The following EMCN variants were observed in gnomAD, a reference collection of about 807,000 sequenced individuals.
EMCN encodes the protein MUC-14.
EMCN carries 37 observed loss-of-function variants against 38.4 expected under a neutral mutation model. The observed-to-expected ratio is 0.96, with a 90% CI of 0.74 to 1.27. The LOEUF (loss-of-function observed/expected upper bound fraction) is 1.27, where lower values mean the gene tolerates loss of function less well. Ranked by LOEUF, EMCN falls within the 50% of genes most tolerant of loss-of-function variation. EMCN has a pLI of 0.00. For missense variants in EMCN, 318 were observed against 302.8 expected (o/e 1.05, Z -0.37); for synonymous variants, 95 against 100.8 (o/e 0.94, Z 0.35).
chr4:100,446,297 A>T (rs1444840159), intron 5 of EMCN: 1 of 681,926 alleles, frequency 1.5e-6, no homozygotes, highest in South Asian at 6.6e-5. Context: ...AATTAAAAAA[A>T]TGGTGATTAG....
chr4:100,517,019 T>A (rs928473416), intron 1 of EMCN, among the ~76,000 whole-genome samples: 1 of 152,064 alleles, frequency 6.6e-6, no homozygotes. Flanking sequence ...GGCAAGGACG[T>A]CTTACTTGTT....
chr4:100,511,055 A>G (rs1729613270), intron 1 of EMCN, among the ~76,000 whole-genome samples: 1 of 152,184 alleles, frequency 6.6e-6, no homozygotes, highest in Admixed American at 6.6e-5. Context: ...TCAGTTTAGA[A>G]GGCTGAAGTT....
At chr4:100,464,531 T>C (rs1227535502) in intron 4 of EMCN, among the ~76,000 whole-genome samples, 1 of 152,098 alleles carries the variant, frequency 6.6e-6, no homozygotes, top group African/African-American at 2.4e-5. Context: ...TGTAGGCTTT[T>C]TGTATATGCC....
chr4:100,484,788 T>C (rs1002881362), intron 1 of EMCN, among the ~76,000 whole-genome samples: 1 of 152,214 alleles, frequency 6.6e-6, no homozygotes, highest in Non-Finnish European at 1.5e-5. Flanking sequence ...TAATGAAATA[T>C]AATCTTTGCA....
At chr4:100,492,820 GGTGTA>G (rs1310605153) in intron 1 of EMCN, among the ~76,000 whole-genome samples, 1 of 152,096 alleles carries the variant, frequency 6.6e-6, no homozygotes, top group African/African-American at 2.4e-5. Context: ...AGCAAGGGGT[GGTGTA>G]GTGTAGGGAG....
chr4:100,416,755 G>A (rs1216579747), intron 9 of EMCN, among the ~76,000 whole-genome samples: 1 of 152,052 alleles, frequency 6.6e-6, no homozygotes, highest in East Asian at 1.9e-4. Context: ...TACCTTAAAG[G>A]CACTGAGAAC....
At chr4:100,414,129 G>A (rs1194324662) in intron 10 of EMCN, among the ~76,000 whole-genome samples, 1 of 152,114 alleles carries the variant, frequency 6.6e-6, no homozygotes, top group Non-Finnish European at 1.5e-5. Flanking sequence ...TCCTCACAAG[G>A]AGAGCCAGGA....
intron 7 of EMCN, 151 bp downstream of exon 7, chr4:100,422,870 A>G (rs1726931816): frequency 4.0e-6 from 2 of 501,388 alleles, no homozygotes; most frequent in Admixed American, 3.9e-5. Flanking sequence ...AAATTTTCAG[A>G]GCAGGCAGCA....
intron 1 of EMCN, among the ~76,000 whole-genome samples, chr4:100,516,370 CGTCGATGCTT>C (rs1455794066): frequency 1.3e-5 from 2 of 152,010 alleles, no homozygotes; most frequent in East Asian, 3.9e-4. Flanking sequence ...GTATTGCACT[CGTCGATGCTT>C]GCAGACCTGG....
In EMCN at chr4:100,475,125, A is replaced by G; in HGVS notation, c.188-16T>C. On this transcript the variant is annotated splice_polypyrimidine_tract_variant and intron_variant, in intron 2 of 11. Transcript: ENST00000296420. ...GTGATTGTTCCTAGTTTGATAAAATAGATTAAATTATTATTAATCATAATC... is the reference window on the plus strand; with the variant it reads ...GTGATTGTTCCTAGTTTGATAAAATGGATTAAATTATTATTAATCATAATC... 1 of 1,304,618 alleles carries G rather than the reference A, an allele frequency of 7.7e-7. No homozygotes were observed. Among genetic ancestry groups the G allele is most frequent in the Non-Finnish European group, 1.1e-6 (1 of 940,182 alleles). 80.8% of individuals were successfully genotyped at this position (1,304,618 alleles called of 1,614,324 possible).
chr4:100,455,952 G>A (rs1728005930), intron 4 of EMCN, among the ~76,000 whole-genome samples: 1 of 151,940 alleles, frequency 6.6e-6, no homozygotes, highest in Non-Finnish European at 1.5e-5. Context: ...CTGCCACTAT[G>A]CCTGTCTAAT....
In EMCN at chr4:100,423,315, G is replaced by C. The variant is rs760306609; in HGVS notation, c.505C>G (p.Gln169Glu). The stretch of plus-strand genomic sequence containing the variant: ...CTCAGGCACACAGATATCATACCTT[G>C]AGACTGTGAGGTGTTTTCTGGAATT... Reference protein sequence around the residue: ...VTIPENTSQSQVIGTEGGKNA... With the variant: ...VTIPENTSQSEVIGTEGGKNA... The change falls in exon 6 of 12, where the codon CAA becomes GAA. Residue 169 changes from glutamine (Q) to glutamate (E), a missense_variant. Transcript: ENST00000296420. The C allele has an allele frequency of 6.2e-7, 1 of 1,608,696 alleles. No homozygotes were observed. Among genetic ancestry groups the C allele is most frequent in the Non-Finnish European group, 8.5e-7 (1 of 1,175,482 alleles).
chr4:100,479,951 A>G lies in EMCN; in HGVS notation c.153T>C (p.Asn51=). The G allele has an allele frequency of 1.2e-6, 2 of 1,609,370 alleles. No homozygotes were observed. The highest frequency in any genetic ancestry group is 1.7e-6 in the Non-Finnish European group (2 of 1,178,016). The change falls in exon 2 of 12, where the codon AAT becomes AAC. Residue 51 remains asparagine, a synonymous_variant. Coordinates refer to ENST00000296420, the MANE Select transcript of EMCN (RefSeq NM_016242.4). ...TTGTTCCAGTTGTTGGTGTGACAACATTTTTCTGTAATGATTCTGTGTTTG... is the reference window on the plus strand; with the variant it reads ...TTGTTCCAGTTGTTGGTGTGACAACGTTTTTCTGTAATGATTCTGTGTTTG... ...TTPNTESLQK[N]VVTPTTGTTP...
intron 11 of EMCN, among the ~76,000 whole-genome samples, chr4:100,408,636 G>A (rs1450531604): frequency 6.6e-6 from 1 of 152,154 alleles, no homozygotes; most frequent in African/African-American, 2.4e-5. Context: ...TGCTCTGAGA[G>A]TGTGTGATCC....
chr4:100,501,235 A>G (rs1042183446), intron 1 of EMCN, among the ~76,000 whole-genome samples: 4 of 152,112 alleles, frequency 2.6e-5, no homozygotes, highest in African/African-American at 9.7e-5. Context: ...ATGTAGTGCT[A>G]TGTAAGAGTC....
intron 1 of EMCN, among the ~76,000 whole-genome samples, chr4:100,503,757 AG>A (rs767212459): frequency 2.0e-5 from 3 of 152,146 alleles, no homozygotes; most frequent in Non-Finnish European, 4.4e-5. Context: ...TTGTAGAGAC[AG>A]GATTTTGCCA....
At chr4:100,419,956 C>T (rs74423213) in intron 8 of EMCN, among the ~76,000 whole-genome samples, 3,908 of 152,148 alleles carry the variant, frequency 0.026, 69 homozygotes, top group Non-Finnish European at 0.041. Flanking sequence ...TCCTGGGGGG[C>T]ACACTGTCCA....
intron 1 of EMCN, among the ~76,000 whole-genome samples, chr4:100,501,574 CA>C (rs1469871510): frequency 2.6e-5 from 4 of 152,062 alleles, no homozygotes; most frequent in African/African-American, 9.7e-5. Flanking sequence ...CAGTTTTATA[CA>C]AAATTATAAA....
intron 3 of EMCN, among the ~76,000 whole-genome samples, chr4:100,470,999 G>T (rs72692117): frequency 0.098 from 14,854 of 151,778 alleles, 961 homozygotes; most frequent in Middle Eastern, 0.19. Flanking sequence ...TTAACAAGAA[G>T]AATAATCTCA....
Sources: gnomAD v4.1 joint callset for allele counts (sites outside exome capture counted in the v4.1 genomes callset) on GRCh38, gnomAD v4.1.1 for gene constraint, MANE v1.5 for transcripts, NCBI Gene and HGNC (gene_info 2026-07-23, HGNC 2026-07-21) for gene names.